Variants in SDK1 observed in about 807,000 individuals in gnomAD.
The protein encoded by SDK1 is protein sidekick-1.
SDK1 carries 157 observed loss-of-function variants against 245.5 expected under a neutral mutation model. The ratio of observed to expected loss-of-function variants is 0.64; its 90% confidence interval spans 0.56 to 0.73. SDK1 has a LOEUF of 0.73. Among genes scored for constraint, SDK1 ranks in the 30% least tolerant of loss-of-function variants. The pLI is 0.00. For synonymous variants in SDK1, 1,647 were observed against 1,278.5 expected, an observed-to-expected ratio of 1.29 and a Z score of -6.15; for missense variants, 3,583 against 3,002.3, an observed-to-expected ratio of 1.19 and a Z score of -4.52.
At chr7:3,840,576 G>A (rs1389831902) in intron 5 of SDK1, among the ~76,000 whole-genome samples, 2 of 152,138 alleles carry the variant, frequency 1.3e-5, no homozygotes, top group East Asian at 1.9e-4. Flanking sequence ...ATCAAATCCT[G>A]CATCTTAACA....
At chr7:3,841,014 A>AT (rs1209325595) in intron 5 of SDK1, among the ~76,000 whole-genome samples, 1 of 152,184 alleles carries the variant, frequency 6.6e-6, no homozygotes, top group Non-Finnish European at 1.5e-5. Context: ...GCCCCACTTC[A>AT]TGAGAGAGCT....
At chr7:3,647,381 A>AG (rs548117872) in intron 4 of SDK1, among the ~76,000 whole-genome samples, 2 of 152,310 alleles carry the variant, frequency 1.3e-5, no homozygotes, top group East Asian at 3.9e-4. Flanking sequence ...CTGGGGCTAC[A>AG]GGGCCAGAGT....
chr7:3,335,579 C>T (rs913818789), intron 1 of SDK1, among the ~76,000 whole-genome samples: 1 of 152,000 alleles, frequency 6.6e-6, no homozygotes, highest in South Asian at 2.1e-4. Flanking sequence ...CAGGTCTTGT[C>T]TTAATTGGAA....
intron 17 of SDK1, among the ~76,000 whole-genome samples, chr7:4,045,524 G>C (rs2128164266): frequency 6.6e-6 from 1 of 152,152 alleles, no homozygotes; most frequent in South Asian, 2.1e-4. Flanking sequence ...GGGATTACAA[G>C]TGTGAGCCAC....
intron 5 of SDK1, among the ~76,000 whole-genome samples, chr7:3,857,068 A>G (rs960409623): frequency 6.6e-6 from 1 of 152,206 alleles, no homozygotes; most frequent in African/African-American, 2.4e-5. Flanking sequence ...CACTATGAAA[A>G]AATCAACTCC....
chr7:4,053,077 ACT>A (rs1778977291), intron 19 of SDK1, among the ~76,000 whole-genome samples: 1 of 137,366 alleles, frequency 7.3e-6, no homozygotes, highest in African/African-American at 2.9e-5. Flanking sequence ...ACATAGTGAG[ACT>A]CTGTCTCAAA....
chr7:3,703,828 T>A (rs1280668806), intron 4 of SDK1, among the ~76,000 whole-genome samples: 2 of 152,236 alleles, frequency 1.3e-5, no homozygotes, highest in East Asian at 3.8e-4. Context: ...GTTGTTGTTT[T>A]ATTGTGTTTT....
intron 1 of SDK1, among the ~76,000 whole-genome samples, chr7:3,348,567 G>A (rs906812832): frequency 6.6e-6 from 1 of 152,108 alleles, no homozygotes; most frequent in East Asian, 1.9e-4. Flanking sequence ...GGAGGAAGAC[G>A]CAGGGCGGTG....
At chr7:4,214,988 G>T (rs1784711692) in intron 38 of SDK1, among the ~76,000 whole-genome samples, 1 of 152,200 alleles carries the variant, frequency 6.6e-6, no homozygotes, top group Admixed American at 6.5e-5. Flanking sequence ...CTGCCCCCCA[G>T]TGCCACCCAG....
chr7:3,619,759 C>T (rs1203667288), intron 2 of SDK1, among the ~76,000 whole-genome samples: 1 of 152,192 alleles, frequency 6.6e-6, no homozygotes, highest in Admixed American at 6.5e-5. Flanking sequence ...TATTGAAGTC[C>T]TGCCATGTGC....
chr7:3,899,215 AAT>A (rs1388251018), intron 5 of SDK1, among the ~76,000 whole-genome samples: 1 of 152,182 alleles, frequency 6.6e-6, no homozygotes, highest in African/African-American at 2.4e-5. Flanking sequence ...TGCTCTTCTT[AAT>A]ATATGAGTAT....
intron 1 of SDK1, among the ~76,000 whole-genome samples, chr7:3,345,742 C>G (rs1256773970): frequency 1.3e-5 from 2 of 152,180 alleles, no homozygotes; most frequent in Non-Finnish European, 2.9e-5. Context: ...CAGTGCTTCT[C>G]TAGAGTATTG....
chr7:3,435,438 A>T (rs1479009560), intron 1 of SDK1, among the ~76,000 whole-genome samples: 1 of 144,958 alleles, frequency 6.9e-6, no homozygotes, highest in Non-Finnish European at 1.5e-5. Context: ...TCAAGCAATT[A>T]TCCTGCCTCA....
chr7:3,981,050 T>A (rs1442357095), intron 13 of SDK1, among the ~76,000 whole-genome samples: 1 of 152,228 alleles, frequency 6.6e-6, no homozygotes, highest in African/African-American at 2.4e-5. Context: ...ATTTACAAAC[T>A]GGAGGTTTGC....
chr7:3,788,807 G>C (rs1487384529), intron 4 of SDK1, among the ~76,000 whole-genome samples: 2 of 152,180 alleles, frequency 1.3e-5, no homozygotes, highest in African/African-American at 4.8e-5. Context: ...CCCTCAAAAA[G>C]CATCATTCGC....
intron 5 of SDK1, among the ~76,000 whole-genome samples, chr7:3,830,909 T>C (rs1201922763): frequency 6.6e-6 from 1 of 152,246 alleles, no homozygotes; most frequent in African/African-American, 2.4e-5. Context: ...AATCATATTA[T>C]GTAAACATAA....
Position 3,771,264 on chromosome 7 carries a change from C to T in SDK1, c.714-50186C>T, listed in dbSNP as rs374437697. ...CAGGATAGTGTGGAAGTGCACAAGC[C>T]CTCTTGGAATTGGAGCTTGGAGTTG... On this transcript the variant is annotated intron_variant, in intron 4 of 44. Transcript: ENST00000404826. 5.9e-5 allele frequency among the ~76,000 whole-genome samples: 9 copies of T among 152,094 alleles called. No individual in the cohort carries two copies. In the South Asian group the frequency reaches 1.9e-3, roughly 32 times the overall value.
intron 4 of SDK1, among the ~76,000 whole-genome samples, chr7:3,802,007 G>C (rs1440075757): frequency 1.3e-5 from 2 of 152,166 alleles, no homozygotes; most frequent in Non-Finnish European, 2.9e-5. Context: ...CAGCAGAGCT[G>C]TTCTCTTTTA....
intron 35 of SDK1, among the ~76,000 whole-genome samples, chr7:4,188,105 C>T (rs543615506): frequency 6.6e-6 from 1 of 152,288 alleles, no homozygotes; most frequent in African/African-American, 2.4e-5. Context: ...CTCGCTGGGC[C>T]TCTTCCGCAA....
Sources: gnomAD v4.1 joint callset for allele counts (sites outside exome capture counted in the v4.1 genomes callset) on GRCh38, gnomAD v4.1.1 for gene constraint, MANE v1.5 for transcripts, NCBI Gene and HGNC (gene_info 2026-07-23, HGNC 2026-07-21) for gene names.